FHOD3: variants seen among roughly 807,000 people sequenced by gnomAD.
The protein encoded by FHOD3 is FH1/FH2 domain-containing protein 3.
A neutral mutation model predicts 173.0 loss-of-function variants in FHOD3; 90 were observed. That is an observed-to-expected ratio of 0.52 (90% CI 0.44 to 0.62). The LOEUF is 0.62. Among genes scored for constraint, FHOD3 ranks in the 20% least tolerant of loss-of-function variants. The pLI is 0.00. For synonymous variants in FHOD3, 828 were observed against 823.0 expected (o/e 1.01, Z -0.10); for missense variants, 1,945 against 2,034.7 (o/e 0.96, Z 0.85).
At chr18:36,343,211 G>A (rs1025939108) in intron 1 of FHOD3, among the ~76,000 whole-genome samples, 20 of 152,176 alleles carry the variant, frequency 1.3e-4, no homozygotes, top group African/African-American at 4.8e-4. Context: ...ACAGACAAAT[G>A]TTATAGTAGT....
At chr18:36,744,557 G>C (rs1241582321) in intron 23 of FHOD3, among the ~76,000 whole-genome samples, 3 of 152,190 alleles carry the variant, frequency 2.0e-5, no homozygotes, top group African/African-American at 7.2e-5. Flanking sequence ...ATGCAATTTG[G>C]CTCTTCCTGA....
At chr18:36,471,951 C>T (rs1213579451) in intron 3 of FHOD3, among the ~76,000 whole-genome samples, 1 of 152,088 alleles carries the variant, frequency 6.6e-6, no homozygotes, top group Non-Finnish European at 1.5e-5. Flanking sequence ...AGATGGAGAA[C>T]CAATTGTTAT....
intron 5 of FHOD3, among the ~76,000 whole-genome samples, chr18:36,531,181 T>C (rs1322941730): frequency 2.0e-5 from 3 of 152,104 alleles, no homozygotes; most frequent in Non-Finnish European, 4.4e-5. Context: ...GAGCTGTAGA[T>C]GTAACCCAGC....
At chr18:36,500,370 G>A (rs982864385) in intron 3 of FHOD3, among the ~76,000 whole-genome samples, 1 of 152,178 alleles carries the variant, frequency 6.6e-6, no homozygotes, top group African/African-American at 2.4e-5. Context: ...TGAAAAACCA[G>A]CATATCCTTT....
intron 5 of FHOD3, among the ~76,000 whole-genome samples, chr18:36,539,295 G>A (rs777708674): frequency 2.7e-4 from 41 of 152,212 alleles, no homozygotes; most frequent in Admixed American, 5.2e-4. Flanking sequence ...GACATAATAA[G>A]TAGGTAGGGG....
At chr18:36,630,392 C>A (rs984570049) in intron 10 of FHOD3, among the ~76,000 whole-genome samples, 13 of 152,076 alleles carry the variant, frequency 8.5e-5, no homozygotes, top group African/African-American at 3.1e-4. Flanking sequence ...ATTTTAAGTC[C>A]GTTTAGCAAA....
In FHOD3 at chr18:36,612,103, A is replaced by C; in HGVS notation, c.957+8A>C. 3.7e-6 allele frequency: 6 copies of C among 1,612,118 alleles called. No homozygotes were observed. The highest frequency in any genetic ancestry group is 5.1e-6 in the Non-Finnish European group (6 of 1,179,320). On this transcript the variant is annotated splice_region_variant and intron_variant, in intron 9 of 28. Coordinates refer to ENST00000590592, the MANE Select transcript of FHOD3 (RefSeq NM_001281740.3). ...CAACTCAACATTTATGAGGTACCAG[A>C]CCATGCCTTTTGTAAGGTATCGTAC...
intron 1 of FHOD3, among the ~76,000 whole-genome samples, chr18:36,335,338 A>G (rs2045250808): frequency 6.6e-6 from 1 of 151,762 alleles, no homozygotes; most frequent in Admixed American, 6.6e-5. Context: ...TACTAAAAAT[A>G]CAAAAAATTA....
intron 5 of FHOD3, among the ~76,000 whole-genome samples, chr18:36,528,378 G>A (rs1413294331): frequency 6.6e-6 from 1 of 152,150 alleles, no homozygotes; most frequent in Non-Finnish European, 1.5e-5. Flanking sequence ...GCCTGGCTCT[G>A]GGCATTTGGA....
intron 23 of FHOD3, among the ~76,000 whole-genome samples, chr18:36,745,550 C>G (rs548511571): frequency 6.6e-6 from 1 of 152,268 alleles, no homozygotes; most frequent in South Asian, 2.1e-4. Context: ...ACTCTTTCCC[C>G]TTCATTGTCC....
intron 9 of FHOD3, among the ~76,000 whole-genome samples, chr18:36,621,986 G>A (rs973661946): frequency 6.6e-6 from 1 of 152,184 alleles, no homozygotes; most frequent in Non-Finnish European, 1.5e-5. Context: ...GGTATATACA[G>A]GCAATGGAAT....
At chr18:36,322,961 G>C (rs1020193917) in intron 1 of FHOD3, among the ~76,000 whole-genome samples, 1 of 152,312 alleles carries the variant, frequency 6.6e-6, no homozygotes, top group East Asian at 1.9e-4. Context: ...AACCCTCATG[G>C]GTGCCCTTTT....
At position 36,727,636 on chromosome 18, in the gene FHOD3, C is replaced by T. The variant is rs2041143925; in HGVS notation, c.3418-3010C>T. 2.0e-5 allele frequency among the ~76,000 whole-genome samples: 3 copies of T among 152,152 alleles called. No homozygotes were observed. In the South Asian group the frequency reaches 6.2e-4, roughly 32 times the overall value. ...TTGGGGTGCTCAGTGGCGCACCCCT[C>T]CCTGACTTAGAGGGGTGTGTGCAGG... On this transcript the variant is annotated intron_variant, in intron 19 of 28. Coordinates refer to ENST00000590592, the MANE Select transcript of FHOD3 (RefSeq NM_001281740.3).
rs533922015 is a variant in FHOD3, at chr18:36,558,432, G to A, written c.512-18019G>A. 8.5e-5 allele frequency among the ~76,000 whole-genome samples: 13 copies of A among 152,270 alleles called. No individual in the cohort carries two copies. In the South Asian group the frequency reaches 1.9e-3, roughly 22 times the overall value. ...TTTTTATATGTTTCAGGCAGAAGGG[G>A]AAATTTGATCTCTATTCCTCTTTTG... On this transcript the variant is annotated intron_variant, in intron 5 of 28. Transcript: ENST00000590592.
At chr18:36,669,076 A>G (rs1402886631) in intron 14 of FHOD3, among the ~76,000 whole-genome samples, 2 of 151,924 alleles carry the variant, frequency 1.3e-5, no homozygotes, top group African/African-American at 2.4e-5. Context: ...ACTGCATTCT[A>G]TAATTTTGAT....
At chr18:36,636,913 T>C (rs1199883544) in intron 10 of FHOD3, among the ~76,000 whole-genome samples, 1 of 152,174 alleles carries the variant, frequency 6.6e-6, no homozygotes, top group Admixed American at 6.5e-5. Flanking sequence ...TTCTATATAT[T>C]TTTTCATTCA....
Position 36,611,987 on chromosome 18 carries a change from C to CGACGT in FHOD3, c.850_854dup (p.Val286ThrfsTer19). On this transcript the variant is annotated frameshift_variant, in exon 9 of 29. Coordinates refer to ENST00000590592, the MANE Select transcript of FHOD3 (RefSeq NM_001281740.3). LOFTEE classifies it high-confidence loss of function. ...GACTACCAGACCAAGACACCTTCTA[C>CGACGT]GACGTCGTGGACTGCCTGGAGGAGC... 2 of 1,614,098 alleles carry CGACGT rather than the reference C, an allele frequency of 1.2e-6. No homozygotes were observed. The highest frequency in any genetic ancestry group is 1.7e-6 in the Non-Finnish European group (2 of 1,180,008).
chr18:36,632,355 TTA>T (rs1173203824), intron 10 of FHOD3, among the ~76,000 whole-genome samples: 1 of 152,266 alleles, frequency 6.6e-6, no homozygotes, highest in African/African-American at 2.4e-5. Flanking sequence ...TTTCCTTTTC[TTA>T]GTGTTGCCTG....
In FHOD3 at chr18:36,718,140, G is replaced by A. The variant is rs1600394364; in HGVS notation, c.2842G>A (p.Asp948Asn). The change falls in exon 19 of 29, where the codon GAC becomes AAC. Residue 948 changes from aspartate to asparagine, a missense_variant. By Grantham distance (23) the Asp-to-Asn change is conservative (BLOSUM62 1). Coordinates refer to ENST00000590592, the MANE Select transcript of FHOD3 (RefSeq NM_001281740.3). ...KAFAEKFNSG[D>N]LGRGSISPDA... ...ATTTGCTGAGAAATTCAACAGTGGG[G>A]ACCTGGGGAGAGGTTCCATCTCCCC... 2.5e-6 allele frequency: 4 copies of A among 1,606,932 alleles called. No homozygotes were observed. Among genetic ancestry groups the A allele is most frequent in the Non-Finnish European group, 3.4e-6 (4 of 1,176,352 alleles).
Sources: allele counts gnomAD v4.1 joint callset (sites outside exome capture counted in the v4.1 genomes callset), GRCh38; gene constraint gnomAD v4.1.1; transcripts MANE v1.5; gene names NCBI Gene and HGNC (gene_info 2026-07-23, HGNC 2026-07-21).